The following ZNF549 variants were observed in gnomAD, a reference collection of about 807,000 sequenced individuals.
ZNF549 encodes the protein zinc finger protein 549.
In ZNF549, 11 loss-of-function variants were observed where a neutral mutation model predicts 11.1. The ratio of observed to expected loss-of-function variants is 0.99; its 90% CI spans 0.62 to 1.64. The LOEUF is 1.64. ZNF549 is among the 40% of genes most tolerant of loss of function. The probability of loss-of-function intolerance (pLI) is 0.00; values close to 1 mark genes in which losing one functional copy is unlikely to be tolerated. For synonymous variants in ZNF549, 266 were observed against 269.1 expected (o/e 0.99, Z 0.11); for missense variants, 748 against 765.1 (o/e 0.98, Z 0.26).
chr19:57,529,407 A>G (rs1490625548), intron 1 of ZNF549, among the ~76,000 whole-genome samples: 2 of 152,234 alleles, frequency 1.3e-5, no homozygotes, highest in African/African-American at 4.8e-5. Context: ...GAAATAATAT[A>G]GAACAGTTAT....
chr19:57,538,318 T>C lies in ZNF549; in HGVS notation c.1314T>C (p.Ile438=). The C allele has an allele frequency of 6.2e-7, 1 of 1,611,120 alleles. No homozygotes were observed. The highest frequency in any genetic ancestry group is 8.5e-7 in the Non-Finnish European group (1 of 1,179,192). Residue 438 remains isoleucine (I), a synonymous_variant, in exon 4 of 4, where the codon ATT becomes ATC. Coordinates refer to ENST00000376233, the MANE Select transcript of ZNF549 (RefSeq NM_001199295.2). ...AAAGACTTCTTGAGCACCAGAGAAT[T>C]CATACTGGAGAAAAGCCTTATGTGT... ...HKKRLLEHQR[I]HTGEKPYVCI...
rs1040849068 is a variant in ZNF549, at chr19:57,538,276, G to C, written c.1272G>C (p.Lys424Asn). Residue 424 changes from lysine (K) to asparagine (N), a missense_variant, in exon 4 of 4, where the codon AAG (lysine) becomes AAC (asparagine). Coordinates refer to ENST00000376233, the MANE Select transcript of ZNF549 (RefSeq NM_001199295.2). ...CTTATGAGTGCAAAGAATGTGGGAA[G>C]GCCTTCATTCACAAAAAAAGACTTC... Reference protein sequence around the residue: ...ERPYECKECGKAFIHKKRLLE... With the variant: ...ERPYECKECGNAFIHKKRLLE... The C allele has an allele frequency of 2.5e-6, 4 of 1,611,246 alleles. No individual in the cohort carries two copies. The highest frequency in any genetic ancestry group is 2.7e-5 in the African/African-American group (2 of 73,940).
chr19:57,536,537 A>G (rs2089925410), intron 3 of ZNF549, among the ~76,000 whole-genome samples: 1 of 152,216 alleles, frequency 6.6e-6, no homozygotes, highest in Non-Finnish European at 1.5e-5. Flanking sequence ...GCTCTCAAAC[A>G]TCAGCTATCC....
At chr19:57,530,188 T>C (rs1052059024) in intron 1 of ZNF549, among the ~76,000 whole-genome samples, 8 of 152,174 alleles carry the variant, frequency 5.3e-5, no homozygotes, top group African/African-American at 1.9e-4. Context: ...CAAGTGATTA[T>C]AGAATTTGAA....
In ZNF549 at chr19:57,538,181, G is replaced by C; in HGVS notation, c.1177G>C (p.Glu393Gln). The change falls in exon 4 of 4, where the codon GAA (glutamate) becomes CAA (glutamine). Residue 393 changes from glutamate to glutamine, a missense_variant. Coordinates refer to ENST00000376233, the MANE Select transcript of ZNF549 (RefSeq NM_001199295.2). ...HTGEGAYQCS[E>Q]CGKSFIYKQS... Reference sequence around the variant, plus strand: ...TGGAGAAGGGGCTTATCAGTGCAGTGAATGTGGGAAATCCTTCATATACAA... The same window carrying C: ...TGGAGAAGGGGCTTATCAGTGCAGTCAATGTGGGAAATCCTTCATATACAA... 1 of 1,614,206 alleles carries C rather than the reference G, an allele frequency of 6.2e-7. No individual in the cohort carries two copies. The highest frequency in any genetic ancestry group is 8.5e-7 in the Non-Finnish European group (1 of 1,180,038).
chr19:57,536,590 G>C (rs1447655971), intron 3 of ZNF549, among the ~76,000 whole-genome samples: 1 of 152,150 alleles, frequency 6.6e-6, no homozygotes, highest in East Asian at 1.9e-4. Flanking sequence ...ATTCTATGCA[G>C]GTCTCCCCTG....
intron 3 of ZNF549, 56 bp from the exon 4 acceptor site, chr19:57,537,148 G>T (rs2123316337): frequency 6.5e-7 from 1 of 1,549,506 alleles, no homozygotes; most frequent in South Asian, 1.2e-5. Context: ...TTGTAATGGA[G>T]CTGTTCCCTT....
At chr19:57,530,963 C>T in intron 1 of ZNF549, 107 bp from the exon 2 acceptor site, 2 of 1,064,424 alleles carry the variant, frequency 1.9e-6, no homozygotes, top group Non-Finnish European at 2.8e-6. Flanking sequence ...AAGGCAACCT[C>T]AGAGAGGTTA....
Position 57,539,775 on chromosome 19 carries a change from A to G in ZNF549, c.*848A>G, listed in dbSNP as rs2089947011. 6.6e-6 allele frequency: 1 copy of G among 152,204 alleles called. No homozygotes were observed. Among genetic ancestry groups the G allele is most frequent in the Admixed American group, 6.5e-5 (1 of 15,278 alleles). 9.4% of individuals were successfully genotyped at this position (152,204 alleles called of 1,614,324 possible). ...CCTTCATTGTAGCCATGGGCACTGA[A>G]GGACTGAATTGGTAGGTAGGTCACT... On this transcript the variant is annotated 3_prime_UTR_variant, in exon 4 of 4. Coordinates refer to ENST00000376233, the MANE Select transcript of ZNF549 (RefSeq NM_001199295.2).
chr19:57,528,136 A>C (rs573875329), intron 1 of ZNF549, among the ~76,000 whole-genome samples: 2 of 152,282 alleles, frequency 1.3e-5, no homozygotes, highest in Non-Finnish European at 2.9e-5. Flanking sequence ...GAAGGGACCT[A>C]AGTAATAAGA....
intron 1 of ZNF549, among the ~76,000 whole-genome samples, chr19:57,529,331 A>AC: frequency 6.6e-6 from 1 of 152,338 alleles, no homozygotes; most frequent in African/African-American, 2.4e-5. Flanking sequence ...TTCTTCCTAG[A>AC]CTACATACCT....
chr19:57,532,753 T>G (rs541268514), intron 2 of ZNF549, among the ~76,000 whole-genome samples: 1 of 152,288 alleles, frequency 6.6e-6, no homozygotes, highest in African/African-American at 2.4e-5. Flanking sequence ...TCCAGTTGAT[T>G]GATGGTGTTG....
intron 2 of ZNF549, among the ~76,000 whole-genome samples, chr19:57,532,630 A>G (rs556627914): frequency 1.3e-5 from 2 of 152,286 alleles, no homozygotes; most frequent in South Asian, 4.1e-4. Context: ...AGTTTTAAAG[A>G]TATATAAAAC....
intron 3 of ZNF549, among the ~76,000 whole-genome samples, chr19:57,535,684 A>T (rs757981889): frequency 6.6e-6 from 1 of 151,736 alleles, no homozygotes; most frequent in Non-Finnish European, 1.5e-5. Context: ...TGACAGCAAG[A>T]CCCCCTCCCA....
Position 57,537,119 on chromosome 19 carries a change from C to T in ZNF549, c.200-85C>T, listed in dbSNP as rs947916722. The stretch of plus-strand genomic sequence containing the variant: ...AAAGAAAAACCATGGACTCGTCCCT[C>T]CCTGTGTTCCACAGGTATTTGTAAT... On this transcript the variant is annotated intron_variant, in intron 3 of 3. Coordinates refer to ENST00000376233, the MANE Select transcript of ZNF549 (RefSeq NM_001199295.2). The T allele has an allele frequency of 4.6e-5, 67 of 1,456,566 alleles. No homozygotes were observed. The African/African-American group carries it at 6.8e-4, about 15-fold the overall frequency. The allele number at this position is 1,456,566 out of a possible 1,614,324, so 90.2% of individuals were successfully genotyped here.
intron 1 of ZNF549, among the ~76,000 whole-genome samples, chr19:57,527,840 G>A (rs1368351891): frequency 1.3e-5 from 2 of 152,168 alleles, no homozygotes; most frequent in Non-Finnish European, 2.9e-5. Flanking sequence ...ACTTGGGGGC[G>A]GACCTGTGTC....
At position 57,527,541 on chromosome 19, in the gene ZNF549, C is replaced by A; in HGVS notation, c.-33C>A. ...ACGCCGGATCCCGGGCTTTACCGCCCGCCTTTCCAGGCCCCGCCCCGCCTA... is the reference window on the plus strand; with the variant it reads ...ACGCCGGATCCCGGGCTTTACCGCCAGCCTTTCCAGGCCCCGCCCCGCCTA... On this transcript the variant is annotated 5_prime_UTR_variant, in exon 1 of 4. Transcript: ENST00000376233. 1 of 1,612,838 alleles carries A rather than the reference C, an allele frequency of 6.2e-7. No individual in the cohort carries two copies. The highest frequency in any genetic ancestry group is 8.5e-7 in the Non-Finnish European group (1 of 1,179,766).
chr19:57,535,094 G>T (rs779297690), intron 2 of ZNF549, 50 bp from the exon 3 acceptor site: 3 of 1,600,870 alleles, frequency 1.9e-6, no homozygotes, highest in Non-Finnish European at 2.6e-6. Context: ...ATTTACTGGG[G>T]TTCCTGGGGA....
chr19:57,532,265 G>A (rs1334079038), intron 2 of ZNF549, among the ~76,000 whole-genome samples: 3 of 152,110 alleles, frequency 2.0e-5, no homozygotes, highest in Non-Finnish European at 2.9e-5. Flanking sequence ...AATGCCCTTC[G>A]TGGGGTCTCT....
Sources: allele counts gnomAD v4.1 joint callset (sites outside exome capture counted in the v4.1 genomes callset), GRCh38; gene constraint gnomAD v4.1.1; transcripts MANE v1.5; gene names NCBI Gene and HGNC (gene_info 2026-07-23, HGNC 2026-07-21).